The following SUCLG2 variants were observed in gnomAD, a reference collection of about 807,000 sequenced individuals.
SUCLG2 encodes succinate--CoA ligase [GDP-forming] subunit beta, mitochondrial.
Under a neutral mutation model 47.9 loss-of-function variants are expected in SUCLG2, and 42 were observed. That is an observed-to-expected ratio of 0.88 (90% CI 0.69 to 1.14). The LOEUF is 1.14. SUCLG2 is among the 50% of genes most tolerant of loss of function. SUCLG2 has a pLI of 0.00. For missense variants in SUCLG2, 571 were observed against 525.9 expected (o/e 1.09, Z -0.84); for synonymous variants, 195 against 197.3 (o/e 0.99, Z 0.10).
chr3:67,434,294 G>C (rs1703561984), intron 9 of SUCLG2, among the ~76,000 whole-genome samples: 1 of 152,222 alleles, frequency 6.6e-6, no homozygotes, highest in African/African-American at 2.4e-5. Flanking sequence ...GTGAGGCCAA[G>C]GCGAGAGGAT....
intron 9 of SUCLG2, among the ~76,000 whole-genome samples, chr3:67,489,294 C>T (rs1008881917): frequency 1.3e-5 from 2 of 152,130 alleles, no homozygotes; most frequent in African/African-American, 4.8e-5. Flanking sequence ...ATGAATTCCT[C>T]ACACTGGGAA....
rs5849753 is a variant in SUCLG2 at position 67,401,575 on chromosome 3, C to CAAAA, written c.1063-728_1063-725dup. Among the ~76,000 whole-genome samples, 892 of 121,526 alleles carry CAAAA rather than the reference C, an allele frequency of 7.3e-3. 6 individuals are homozygous for CAAAA. The highest frequency in any genetic ancestry group is 0.023 in the African/African-American group (744 of 32,454). The allele number at this position is 121,526 out of a possible 152,430, so 79.7% of individuals were successfully genotyped here. On this transcript the variant is annotated intron_variant, in intron 9 of 10. Coordinates refer to ENST00000307227, the MANE Select transcript of SUCLG2 (RefSeq NM_003848.4). ...ATTCCATATTCAAAGGCATGTGGGCCAAAAAAAAAAAAAAAACAAACTCTA... is the reference window on the plus strand; with the variant it reads ...ATTCCATATTCAAAGGCATGTGGGCCAAAAAAAAAAAAAAAAAAAACAAACTCTA...
chr3:67,641,366 A>C (rs1446675091), intron 1 of SUCLG2, among the ~76,000 whole-genome samples: 1 of 152,200 alleles, frequency 6.6e-6, no homozygotes, highest in Non-Finnish European at 1.5e-5. Context: ...GCAGCCAGAA[A>C]AGCATGCATC....
chr3:67,375,932 A>G (rs1034133965), intron 10 of SUCLG2, 73 bp from the exon 11 acceptor site: 3 of 1,556,778 alleles, frequency 1.9e-6, no homozygotes, highest in East Asian at 4.7e-5. Context: ...ACAAGGACAC[A>G]CAAGACTCAC....
At chr3:67,448,525 C>T (rs28688196) in intron 9 of SUCLG2, among the ~76,000 whole-genome samples, 2,197 of 152,046 alleles carry the variant, frequency 0.014, 57 homozygotes, top group African/African-American at 0.051. Flanking sequence ...GCTGGGATTA[C>T]AGACATGTGC....
intron 7 of SUCLG2, among the ~76,000 whole-genome samples, chr3:67,501,834 T>G (rs1435288751): frequency 6.6e-6 from 1 of 152,168 alleles, no homozygotes; most frequent in African/African-American, 2.4e-5. Flanking sequence ...CACCCCTTCA[T>G]GCATACCCTG....
chr3:67,649,005 TAC>T (rs1203797255), intron 1 of SUCLG2, among the ~76,000 whole-genome samples: 1 of 152,162 alleles, frequency 6.6e-6, no homozygotes, highest in Non-Finnish European at 1.5e-5. Flanking sequence ...CACTACCAGG[TAC>T]AGTCAAGTGT....
At chr3:67,631,851 T>A (rs1217953057) in intron 1 of SUCLG2, among the ~76,000 whole-genome samples, 1 of 152,178 alleles carries the variant, frequency 6.6e-6, no homozygotes, top group Non-Finnish European at 1.5e-5. Flanking sequence ...GGTGCTTCTT[T>A]AGTATTTGTT....
At chr3:67,436,550 G>A (rs569797779) in intron 9 of SUCLG2, among the ~76,000 whole-genome samples, 135 of 152,258 alleles carry the variant, frequency 8.9e-4, no homozygotes, top group Non-Finnish European at 1.8e-3. Flanking sequence ...GGATTGGGAG[G>A]AACCAACTAG....
chr3:67,611,803 C>T (rs536946941), intron 1 of SUCLG2, among the ~76,000 whole-genome samples: 1 of 152,238 alleles, frequency 6.6e-6, no homozygotes, highest in African/African-American at 2.4e-5. Flanking sequence ...TGCAATTGAT[C>T]CAGAGGCCAG....
chr3:67,582,887 T>C (rs536956517), intron 2 of SUCLG2, among the ~76,000 whole-genome samples: 36 of 152,238 alleles, frequency 2.4e-4, no homozygotes, highest in African/African-American at 8.7e-4. Context: ...AAACACCTTT[T>C]ATTACATCAC....
intron 2 of SUCLG2, among the ~76,000 whole-genome samples, chr3:67,535,576 G>T (rs1460226273): frequency 2.0e-5 from 3 of 151,572 alleles, no homozygotes; most frequent in Non-Finnish European, 2.9e-5. Flanking sequence ...GAACTTAAAA[G>T]AAAATTAAAT....
chr3:67,528,886 T>G (rs1575757146), intron 3 of SUCLG2, among the ~76,000 whole-genome samples: 1 of 152,146 alleles, frequency 6.6e-6, no homozygotes, highest in East Asian at 1.9e-4. Flanking sequence ...TTTTCACCAA[T>G]TAGTAAGAAA....
chr3:67,420,781 G>A (rs1703140512), intron 9 of SUCLG2, among the ~76,000 whole-genome samples: 2 of 152,162 alleles, frequency 1.3e-5, no homozygotes, highest in South Asian at 2.1e-4. Context: ...TATGCATACT[G>A]TGTATGTGTG....
chr3:67,396,566 G>C (rs1702535336), intron 10 of SUCLG2, among the ~76,000 whole-genome samples: 1 of 152,258 alleles, frequency 6.6e-6, no homozygotes, highest in South Asian at 2.1e-4. Context: ...GGACCAGATG[G>C]ATTCACAGCC....
At chr3:67,371,041 CT>C (rs1345174397), downstream of SUCLG2, among the ~76,000 whole-genome samples, 5 of 152,292 alleles carry the variant, frequency 3.3e-5, no homozygotes, top group African/African-American at 1.2e-4. Context: ...CAAATTGAAT[CT>C]CCAAATCTTC....
At chr3:67,576,229 C>T (rs1707738188) in intron 2 of SUCLG2, among the ~76,000 whole-genome samples, 1 of 152,138 alleles carries the variant, frequency 6.6e-6, no homozygotes, top group Non-Finnish European at 1.5e-5. Context: ...CTCAAGAAAT[C>T]CCAGATCAAG....
At chr3:67,392,387 A>T (rs1702408445) in intron 10 of SUCLG2, among the ~76,000 whole-genome samples, 1 of 152,200 alleles carries the variant, frequency 6.6e-6, no homozygotes, top group African/African-American at 2.4e-5. Flanking sequence ...TCCATTGTCT[A>T]AAAAACACTT....
chr3:67,446,451 G>C (rs1246354390), intron 9 of SUCLG2, among the ~76,000 whole-genome samples: 1 of 88,488 alleles, frequency 1.1e-5, no homozygotes, highest in African/African-American at 4.6e-5. Context: ...TTTTTTTTGA[G>C]ATAGAGTCTC....
Sources: allele counts gnomAD v4.1 joint callset (sites outside exome capture counted in the v4.1 genomes callset), GRCh38; gene constraint gnomAD v4.1.1; transcripts MANE v1.5; gene names NCBI Gene and HGNC (gene_info 2026-07-23, HGNC 2026-07-21).